Variants in TTC27 observed in about 807,000 individuals in gnomAD.
TTC27 encodes the protein tetratricopeptide repeat domain 27, also known as tetratricopeptide repeat protein 27.
TTC27 carries 79 observed loss-of-function variants against 115.9 expected under a neutral mutation model. That is an observed-to-expected ratio of 0.68 (90% CI 0.57 to 0.82). The LOEUF is 0.82. TTC27 is among the 40% of genes least tolerant of loss of function. The probability of loss-of-function intolerance (pLI) is 0.00; values close to 1 mark genes in which losing one functional copy is unlikely to be tolerated. For synonymous variants in TTC27, 401 were observed against 356.0 expected, an observed-to-expected ratio of 1.13 and a Z score of -1.42; for missense variants, 1,054 against 993.1, an observed-to-expected ratio of 1.06 and a Z score of -0.82.
At chr2:32,684,429 T>A (rs1017527158) in intron 9 of TTC27, among the ~76,000 whole-genome samples, 14 of 151,286 alleles carry the variant, frequency 9.3e-5, no homozygotes, top group Admixed American at 5.9e-4. Flanking sequence ...ATAATAAATT[T>A]AAAAAAACAA....
chr2:32,641,389 C>G (rs1168544458), intron 4 of TTC27, among the ~76,000 whole-genome samples: 2 of 152,214 alleles, frequency 1.3e-5, no homozygotes, highest in African/African-American at 2.4e-5. Flanking sequence ...TCCAATAAAG[C>G]TTTATTTGTG....
At chr2:32,686,935 C>T (rs915468510) in intron 9 of TTC27, among the ~76,000 whole-genome samples, 4 of 152,126 alleles carry the variant, frequency 2.6e-5, no homozygotes, top group African/African-American at 9.7e-5. Context: ...ACCTCTACCT[C>T]CTGGGTTCAA....
At chr2:32,715,126 C>G (rs906584619) in intron 10 of TTC27, among the ~76,000 whole-genome samples, 3 of 152,132 alleles carry the variant, frequency 2.0e-5, no homozygotes, top group African/African-American at 7.2e-5. Flanking sequence ...CTTTTGGCAT[C>G]TTCATCATGG....
At chr2:32,743,355 G>A (rs1291394606) in intron 12 of TTC27, among the ~76,000 whole-genome samples, 1 of 151,980 alleles carries the variant, frequency 6.6e-6, no homozygotes, top group Non-Finnish European at 1.5e-5. Context: ...CTTTTCACTG[G>A]AGGCTCAACT....
In TTC27 at chr2:32,672,288, A is replaced by T. The variant is rs771640567; in HGVS notation, c.956A>T (p.Asp319Val). ...EHLTKNLELN[D>V]DTILNDIKLA... The stretch of plus-strand genomic sequence containing the variant: ...TTCTACTAGAATCTTGAGCTCAATG[A>T]TGACACCATTCTGAATGACATAAAG... The change falls in exon 8 of 20, where the codon GAT becomes GTT. Residue 319 changes from aspartate to valine, a missense_variant. Asp to Val is a radical substitution (Grantham distance 152). Coordinates refer to ENST00000317907, the MANE Select transcript of TTC27 (RefSeq NM_017735.5). 6.2e-7 allele frequency: 1 copy of T among 1,613,442 alleles called. No homozygotes were observed. Among genetic ancestry groups the T allele is most frequent in the African/African-American group, 1.3e-5 (1 of 74,934 alleles).
At chr2:32,740,669 T>G (rs529208093) in intron 12 of TTC27, among the ~76,000 whole-genome samples, 1 of 152,242 alleles carries the variant, frequency 6.6e-6, no homozygotes, top group East Asian at 1.9e-4. Context: ...ACTTACTTAT[T>G]TAGAGATGGA....
At chr2:32,677,489 A>T (rs1369603723) in intron 8 of TTC27, among the ~76,000 whole-genome samples, 2 of 151,878 alleles carry the variant, frequency 1.3e-5, no homozygotes, top group Non-Finnish European at 2.9e-5. Context: ...TTGCTCTGTC[A>T]CTCAGGCTGG....
chr2:32,721,667 CCAGGCTGGAGTA>C (rs1667932662), intron 10 of TTC27, among the ~76,000 whole-genome samples: 1 of 150,762 alleles, frequency 6.6e-6, no homozygotes, highest in Non-Finnish European at 1.5e-5. Context: ...GCTGTGTCAC[CCAGGCTGGAGTA>C]CAGTGGAATG....
chr2:32,652,580 C>T (rs1324997761), intron 5 of TTC27, among the ~76,000 whole-genome samples: 1 of 152,006 alleles, frequency 6.6e-6, no homozygotes, highest in Non-Finnish European at 1.5e-5. Flanking sequence ...TTTGCTTTAC[C>T]TTGCAACTAA....
At chr2:32,777,850 G>C in intron 13 of TTC27, 32 bp from the exon 14 acceptor site, 1 of 1,605,574 alleles carries the variant, frequency 6.2e-7, no homozygotes, top group Non-Finnish European at 8.5e-7. Flanking sequence ...GTTTCTGTGT[G>C]TTTGAATGAC....
chr2:32,683,310 A>G (rs1666508524), intron 9 of TTC27, among the ~76,000 whole-genome samples: 1 of 152,074 alleles, frequency 6.6e-6, no homozygotes, highest in Admixed American at 6.6e-5. Flanking sequence ...TAATACTCCT[A>G]CCAGAAGTCT....
chr2:32,687,541 C>T (rs1049225107), intron 9 of TTC27, among the ~76,000 whole-genome samples: 14 of 152,164 alleles, frequency 9.2e-5, no homozygotes, highest in Admixed American at 5.9e-4. Context: ...CGAGAGACAA[C>T]TATATGCTTC....
chr2:32,678,625 C>T (rs182500890), intron 8 of TTC27, among the ~76,000 whole-genome samples: 3 of 152,104 alleles, frequency 2.0e-5, no homozygotes, highest in African/African-American at 7.2e-5. Flanking sequence ...GACAGGGTTT[C>T]ACCTTGTTAG....
intron 10 of TTC27, among the ~76,000 whole-genome samples, chr2:32,710,382 A>C (rs1667532847): frequency 6.6e-6 from 1 of 151,782 alleles, no homozygotes; most frequent in African/African-American, 2.4e-5. Flanking sequence ...ATAGCAGCAA[A>C]TTAAACTAAA....
Position 32,702,907 on chromosome 2 carries a change from T to C in TTC27, c.1220T>C (p.Met407Thr), listed in dbSNP as rs763546220. 5 of 1,613,778 alleles carry C rather than the reference T, an allele frequency of 3.1e-6. No homozygotes were observed. Among genetic ancestry groups the C allele is most frequent in the South Asian group, 2.2e-5 (2 of 91,068 alleles). ...KGSTRRVERA[M>T]RQTQALADQF... ...AGTACTCGCCGAGTGGAACGGGCAA[T>C]GAGGCAGACACAGGTAAGAATTAAT... Residue 407 changes from methionine (M) to threonine (T), a missense_variant, in exon 10 of 20, where the codon ATG (methionine) becomes ACG (threonine). By Grantham distance (81) the Met-to-Thr change is moderately conservative. Transcript: ENST00000317907.
chr2:32,755,475 C>CTGCAA (rs1669199495), intron 12 of TTC27, among the ~76,000 whole-genome samples: 1 of 152,162 alleles, frequency 6.6e-6, no homozygotes, highest in Non-Finnish European at 1.5e-5. Flanking sequence ...CGCAGACACT[C>CTGCAA]GGCAGGCTGA....
chr2:32,717,595 C>T (rs2151908363), intron 10 of TTC27, among the ~76,000 whole-genome samples: 1 of 152,138 alleles, frequency 6.6e-6, no homozygotes, highest in Non-Finnish European at 1.5e-5. Context: ...ACATGAAGAA[C>T]AAATGTAGTT....
intron 6 of TTC27, 53 bp downstream of exon 6, chr2:32,664,520 T>A: frequency 6.7e-7 from 1 of 1,492,170 alleles, no homozygotes; most frequent in Non-Finnish European, 9.1e-7. Context: ...TAAAACTATA[T>A]ACATTGGCAG....
At chr2:32,704,257 G>T (rs1196165260) in intron 10 of TTC27, among the ~76,000 whole-genome samples, 1 of 152,098 alleles carries the variant, frequency 6.6e-6, no homozygotes, top group African/African-American at 2.4e-5. Flanking sequence ...CACAATCTGG[G>T]CTCGCTGCAA....
Sources: gnomAD v4.1 joint callset for allele counts (sites outside exome capture counted in the v4.1 genomes callset) on GRCh38, gnomAD v4.1.1 for gene constraint, MANE v1.5 for transcripts, NCBI Gene and HGNC (gene_info 2026-07-23, HGNC 2026-07-21) for gene names.